WDR97: variants seen among roughly 807,000 people sequenced by gnomAD.
WDR97 encodes the protein WD repeat domain 97.
A neutral mutation model predicts 65.4 loss-of-function variants in WDR97; 111 were observed. The observed-to-expected ratio is 1.70, with a 90% CI of 1.45 to 1.99. The LOEUF is 1.99. Ranked by LOEUF, WDR97 falls within the 30% of genes most tolerant of loss-of-function variation. WDR97 has a pLI of 0.00. For missense variants in WDR97, 1,674 were observed against 865.0 expected (o/e 1.94, Z -11.73); for synonymous variants, 802 against 397.7 (o/e 2.02, Z -12.10).
Position 144,115,461 on chromosome 8 carries a change from C to A in WDR97, c.4198C>A (p.Pro1400Thr). 1.4e-6 allele frequency: 1 copy of A among 694,002 alleles called. No individual in the cohort carries two copies. The highest frequency in any genetic ancestry group is 1.5e-5 in the South Asian group (1 of 67,198). The allele number at this position is 694,002 out of a possible 1,614,324, so 43.0% of individuals were successfully genotyped here. ...GAGGCTCTCGCAGGTCTCAGAGGTG[C>A]CTTTGATGGTGGTCTCACCTGCGGA... ...FGRLSQVSEVPLMVVSPAEPH... is the reference protein window; with the variant it reads ...FGRLSQVSEVTLMVVSPAEPH... Residue 1400 changes from proline to threonine, a missense_variant, in exon 22 of 24, where the codon CCT (proline) becomes ACT (threonine). Coordinates refer to ENST00000323662, the MANE Select transcript of WDR97 (RefSeq NM_001316309.2).
At position 144,107,808 on chromosome 8, in the gene WDR97, TATG is replaced by T. The variant is rs1371790195; in HGVS notation, c.62_64del (p.Asp21del). The T allele has an allele frequency of 1.4e-6, 1 of 702,852 alleles. No homozygotes were observed. The highest frequency in any genetic ancestry group is 2.7e-5 in the East Asian group (1 of 37,284). The allele number at this position is 702,852 out of a possible 1,614,324, so 43.5% of individuals were successfully genotyped here. On this transcript the variant is annotated inframe_deletion, in exon 1 of 24. Coordinates refer to ENST00000323662, the MANE Select transcript of WDR97 (RefSeq NM_001316309.2). ...CAACCTAGTTCTGGACTCGGACCTG[TATG>T]ATGCGGATGGCTATGATGTCCCAGA...
Position 144,115,420 on chromosome 8 carries a change from C to T in WDR97, c.4157C>T (p.Ala1386Val), listed in dbSNP as rs1290282807. Reference sequence around the variant, plus strand: ...ATACCCTCGGGCACCTCCTGGTCGGCCTCCGGCATCTTCGGGAGGCTCTCG... The same window carrying T: ...ATACCCTCGGGCACCTCCTGGTCGGTCTCCGGCATCTTCGGGAGGCTCTCG... ...SVIPSGTSWS[A>V]SGIFGRLSQV... is the part of the protein sequence containing the mutation. Residue 1386 changes from alanine to valine, a missense_variant, in exon 22 of 24, where the codon GCC (alanine) becomes GTC (valine). Physicochemically the swap from Ala to Val is moderately conservative, Grantham distance 64. Coordinates refer to ENST00000323662, the MANE Select transcript of WDR97 (RefSeq NM_001316309.2). 2.9e-6 allele frequency: 2 copies of T among 678,322 alleles called. No homozygotes were observed. The highest frequency in any genetic ancestry group is 5.4e-6 in the Non-Finnish European group (2 of 369,782). The allele number at this position is 678,322 out of a possible 1,614,324, so 42.0% of individuals were successfully genotyped here. A position where few individuals can be genotyped will look rare whatever the true frequency, so the allele number is the denominator to read the frequency against.
Position 144,110,950 on chromosome 8 carries a change from G to A in WDR97, c.2258G>A (p.Cys753Tyr). Residue 753 changes from cysteine to tyrosine, a missense_variant, in exon 9 of 24, where the codon TGC (cysteine) becomes TAC (tyrosine). Coordinates refer to ENST00000323662, the MANE Select transcript of WDR97 (RefSeq NM_001316309.2). ...GTGCTGGCGCTGGGATCCCGCCTCT[G>A]CCTGGTGTCCCACAGGCTCTACCTG... ...DLVLALGSRL[C>Y]LVSHRLYLPT... The A allele has an allele frequency of 1.4e-6, 1 of 702,836 alleles. No homozygotes were observed. The highest frequency in any genetic ancestry group is 1.5e-5 in the South Asian group (1 of 67,600). The allele number at this position is 702,836 out of a possible 1,614,324, so 43.5% of individuals were successfully genotyped here. A position where few individuals can be genotyped will look rare whatever the true frequency, so the allele number is the denominator to read the frequency against.
Position 144,114,425 on chromosome 8 carries a change from C to T in WDR97, c.3742C>T (p.Gln1248Ter), listed in dbSNP as rs1564323118. The T allele has an allele frequency of 2.8e-6, 2 of 702,842 alleles. No individual in the cohort carries two copies. The highest frequency in any genetic ancestry group is 2.0e-5 in the Admixed American group (1 of 50,014). 43.5% of individuals were successfully genotyped at this position (702,842 alleles called of 1,614,324 possible). A position where few individuals can be genotyped will look rare whatever the true frequency, so the allele number is the denominator to read the frequency against. Reference protein sequence around the residue: ...NMSSDLQGQLQGLLVHLLNLD... With the variant: ...NMSSDLQGQL ...GAGCAGTGATCTCCAAGGCCAGCTG[C>T]AGGGCCTGCTCGTACACTTGCTCAA... is the stretch of plus-strand genomic sequence containing the variant. Residue 1248 changes from glutamine (Q) to a stop codon, truncating the protein, a stop_gained, in exon 19 of 24, where the codon CAG becomes TAG. Transcript: ENST00000323662. LOFTEE classifies it high-confidence loss of function.
Position 144,114,171 on chromosome 8 carries a change from G to A in WDR97, c.3594+9G>A. 1.4e-6 allele frequency: 1 copy of A among 701,840 alleles called. No homozygotes were observed. Among genetic ancestry groups the A allele is most frequent in the Non-Finnish European group, 2.6e-6 (1 of 384,200 alleles). 43.5% of individuals were successfully genotyped at this position (701,840 alleles called of 1,614,324 possible). ...CCATCTTCAGCCTGCAGGTTGGAGG[G>A]AACTGGGGATGCATGAGAAGCATGG... On this transcript the variant is annotated intron_variant, in intron 18 of 23. Coordinates refer to ENST00000323662, the MANE Select transcript of WDR97 (RefSeq NM_001316309.2).
At position 144,116,362 on chromosome 8, in the gene WDR97, G is replaced by T. The variant is rs569046759; in HGVS notation, c.*69G>T. On this transcript the variant is annotated 3_prime_UTR_variant, in exon 24 of 24. Coordinates refer to ENST00000323662, the MANE Select transcript of WDR97 (RefSeq NM_001316309.2). ...TGGTATTTGGCCAAGGCCTGCATCG[G>T]GAATAAAGTCCAGAGAATTTCTTTC... 4.9e-4 allele frequency: 279 copies of T among 567,828 alleles called. 2 individuals carry two copies. Among genetic ancestry groups the T allele is most frequent in the Admixed American group, 1.5e-3 (46 of 31,458 alleles). The allele number at this position is 567,828 out of a possible 1,614,324, so 35.2% of individuals were successfully genotyped here.
At position 144,108,498 on chromosome 8, in the gene WDR97, G is replaced by A; in HGVS notation, c.432G>A (p.Leu144=). The A allele has an allele frequency of 1.4e-6, 1 of 700,898 alleles. No homozygotes were observed. The highest frequency in any genetic ancestry group is 2.6e-6 in the Non-Finnish European group (1 of 384,302). 43.4% of individuals were successfully genotyped at this position (700,898 alleles called of 1,614,324 possible). A position where few individuals can be genotyped will look rare whatever the true frequency, so the allele number is the denominator to read the frequency against. ...HKEDGWAQET[L]LAPVRLTGLV... is the part of the protein sequence containing the mutation. The stretch of plus-strand genomic sequence containing the variant: ...AAGACGGCTGGGCACAGGAGACGCT[G>A]CTGGCGCCTGTCCGGCTTACGGGGC... The change falls in exon 3 of 24, where the codon CTG becomes CTA. Residue 144 remains leucine (L), a synonymous_variant. Coordinates refer to ENST00000323662, the MANE Select transcript of WDR97 (RefSeq NM_001316309.2).
chr8:144,109,616 G>A lies in WDR97; in HGVS notation c.1282G>A (p.Val428Met), dbSNP rs968781814. 3 of 685,582 alleles carry A rather than the reference G, an allele frequency of 4.4e-6. No homozygotes were observed. The highest frequency in any genetic ancestry group is 3.6e-5 in the African/African-American group (2 of 54,822). 42.5% of individuals were successfully genotyped at this position (685,582 alleles called of 1,614,324 possible). ...GCAACTGCCCGCCAAGGTGCTCCAC[G>A]TGCAGGTGGCGCCCGCGTTGCCCGC... ...LAQLPAKVLH[V>M]QVAPALPAPA... The change falls in exon 5 of 24, where the codon GTG becomes ATG. Residue 428 changes from valine to methionine, a missense_variant. Val to Met is a conservative substitution (Grantham distance 21). Transcript: ENST00000323662.
chr8:144,113,345 G>A, intron 15 of WDR97, 95 bp from the exon 16 acceptor site: 1 of 687,058 alleles, frequency 1.5e-6, no homozygotes, highest in Non-Finnish European at 2.6e-6. Flanking sequence ...TGGACTGGCG[G>A]CTGAGGGGCT....
Position 144,118,149 on chromosome 8 carries a change from C to T in WDR97, c.*1856C>T, listed in dbSNP as rs1467949145. 6.6e-6 allele frequency: 1 copy of T among 152,064 alleles called. No homozygotes were observed. The highest frequency in any genetic ancestry group is 1.5e-5 in the Non-Finnish European group (1 of 68,036). The allele number at this position is 152,064 out of a possible 1,614,324, so 9.4% of individuals were successfully genotyped here. A position where few individuals can be genotyped will look rare whatever the true frequency, so the allele number is the denominator to read the frequency against. On this transcript the variant is annotated 3_prime_UTR_variant, in exon 24 of 24. Coordinates refer to ENST00000323662, the MANE Select transcript of WDR97 (RefSeq NM_001316309.2). ...CCACACATCAGGCAAGAGACTTGTT[C>T]CTTAAAAATTATCTAGTTTAGCCGA...
chr8:144,111,808 G>A, intron 12 of WDR97, 27 bp downstream of exon 12: 1 of 691,100 alleles, frequency 1.4e-6, no homozygotes, highest in Non-Finnish European at 2.6e-6. Flanking sequence ...CCCCAGCCCA[G>A]CCCTGACCCT....
rs1019429424 is a variant in WDR97, at chr8:144,112,778, T to A, written c.3105+248T>A. ...CTCCTTGCTGCTCTGGGAGCTGACA[T>A]CAGGCAAAGCCAGTCCCCCCAGCCG... On this transcript the variant is annotated intron_variant, in intron 15 of 23. Coordinates refer to ENST00000323662, the MANE Select transcript of WDR97 (RefSeq NM_001316309.2). 9 of 563,028 alleles carry A rather than the reference T, an allele frequency of 1.6e-5. No homozygotes were observed. The Admixed American group carries it at 2.1e-4, about 13-fold the overall frequency. The allele number at this position is 563,028 out of a possible 1,614,324, so 34.9% of individuals were successfully genotyped here.
Position 144,115,451 on chromosome 8 carries a change from C to T in WDR97, c.4188C>T (p.Val1396=). 1 of 693,894 alleles carries T rather than the reference C, an allele frequency of 1.4e-6. No homozygotes were observed. The highest frequency in any genetic ancestry group is 1.5e-5 in the South Asian group (1 of 67,204). 43.0% of individuals were successfully genotyped at this position (693,894 alleles called of 1,614,324 possible). Residue 1396 remains valine (V), a synonymous_variant, in exon 22 of 24, where the codon GTC becomes GTT. Coordinates refer to ENST00000323662, the MANE Select transcript of WDR97 (RefSeq NM_001316309.2). Reference sequence around the variant, plus strand: ...GCATCTTCGGGAGGCTCTCGCAGGTCTCAGAGGTGCCTTTGATGGTGGTCT... The same window carrying T: ...GCATCTTCGGGAGGCTCTCGCAGGTTTCAGAGGTGCCTTTGATGGTGGTCT... ...ASGIFGRLSQ[V]SEVPLMVVSP...
rs774792233 is a variant in WDR97 at position 144,109,516 on chromosome 8, G to C, written c.1182G>C (p.Pro394=). 42 of 696,786 alleles carry C rather than the reference G, an allele frequency of 6.0e-5. No individual in the cohort carries two copies. In the East Asian group the frequency reaches 1.1e-3, roughly 18 times the overall value. The allele number at this position is 696,786 out of a possible 1,614,324, so 43.2% of individuals were successfully genotyped here. Residue 394 remains proline (P), a synonymous_variant, in exon 5 of 24, where the codon CCG becomes CCC. Coordinates refer to ENST00000323662, the MANE Select transcript of WDR97 (RefSeq NM_001316309.2). The part of the protein sequence containing the change: ...RVGRLLAPVR[P]GWPVLSLCAS... ...GCCGTCTGCTGGCGCCGGTGCGCCC[G>C]GGCTGGCCGGTGCTGTCCCTGTGCG...
rs7463214 is a variant in WDR97 at position 144,113,708 on chromosome 8, A to G, written c.3235A>G (p.Thr1079Ala). ...GTTGTGGCGCCCCAGGCCATCCCAA[A>G]CCCAGTGGCAGAGGAAGCTGCTCCA... ...LWLWRPRPSQ[T>A]QWQRKLLQWM... The change falls in exon 17 of 24, where the codon ACC becomes GCC. Residue 1079 changes from threonine (T) to alanine (A), a missense_variant. Thr to Ala is a moderately conservative substitution (Grantham distance 58). Coordinates refer to ENST00000323662, the MANE Select transcript of WDR97 (RefSeq NM_001316309.2). 677,179 of 685,064 alleles carry G rather than the reference A, an allele frequency of 0.99. 335,107 individuals carry two copies. Among genetic ancestry groups the G allele is most frequent in the East Asian group, 1 (36,975 of 36,976 alleles). 42.4% of individuals were successfully genotyped at this position (685,064 alleles called of 1,614,324 possible). A position where few individuals can be genotyped will look rare whatever the true frequency, so the allele number is the denominator to read the frequency against.
At position 144,108,903 on chromosome 8, in the gene WDR97, T is replaced by C. The variant is rs1419519977; in HGVS notation, c.837T>C (p.His279=). 2.8e-6 allele frequency: 2 copies of C among 702,934 alleles called. No individual in the cohort carries two copies. The highest frequency in any genetic ancestry group is 3.0e-5 in the South Asian group (2 of 67,604). The allele number at this position is 702,934 out of a possible 1,614,324, so 43.5% of individuals were successfully genotyped here. Residue 279 remains histidine (H), a synonymous_variant, in exon 3 of 24, where the codon CAT becomes CAC. Coordinates refer to ENST00000323662, the MANE Select transcript of WDR97 (RefSeq NM_001316309.2). ...CGGCCGTGCTCACCTTCGATCTGCA[T>C]GCCTGGACTCTCGTAGATGTGCGCC... ...YGSAVLTFDL[H]AWTLVDVRRD...
In WDR97 at chr8:144,109,600, C is replaced by A. The variant is rs956720455; in HGVS notation, c.1266C>A (p.Pro422=). The A allele has an allele frequency of 5.8e-6, 4 of 689,268 alleles. No individual in the cohort carries two copies. The highest frequency in any genetic ancestry group is 5.5e-5 in the East Asian group (2 of 36,164). 42.7% of individuals were successfully genotyped at this position (689,268 alleles called of 1,614,324 possible). ...RELYSPLAQL[P]AKVLHVQVAP... ...TCTACTCGCCGTTGGCGCAACTGCCCGCCAAGGTGCTCCACGTGCAGGTGG... is the reference window on the plus strand; with the variant it reads ...TCTACTCGCCGTTGGCGCAACTGCCAGCCAAGGTGCTCCACGTGCAGGTGG... Residue 422 remains proline (P), a synonymous_variant, in exon 5 of 24, where the codon CCC becomes CCA. Transcript: ENST00000323662.
chr8:144,109,485 G>T lies in WDR97; in HGVS notation c.1151G>T (p.Arg384Leu), dbSNP rs769171014. 2 of 697,318 alleles carry T rather than the reference G, an allele frequency of 2.9e-6. No individual in the cohort carries two copies. The highest frequency in any genetic ancestry group is 5.2e-6 in the Non-Finnish European group (2 of 382,534). The allele number at this position is 697,318 out of a possible 1,614,324, so 43.2% of individuals were successfully genotyped here. The change falls in exon 5 of 24, where the codon CGC (arginine) becomes CTC (leucine). Residue 384 changes from arginine to leucine, a missense_variant. Arg to Leu is a moderately radical substitution (Grantham distance 102, BLOSUM62 -2). Transcript: ENST00000323662. ...TGGGGCCAGGACAAGCTGTCCCGGC[G>T]CGTGGGCCGTCTGCTGGCGCCGGTG... ...GFWGQDKLSR[R>L]VGRLLAPVRP...
Position 144,111,706 on chromosome 8 carries a change from GC to G in WDR97, c.2567del (p.Pro856HisfsTer17). 1 of 698,538 alleles carries G rather than the reference GC, an allele frequency of 1.4e-6. No homozygotes were observed. Among genetic ancestry groups the G allele is most frequent in the Non-Finnish European group, 2.6e-6 (1 of 382,232 alleles). The allele number at this position is 698,538 out of a possible 1,614,324, so 43.3% of individuals were successfully genotyped here. On this transcript the variant is annotated frameshift_variant, in exon 12 of 24. Transcript: ENST00000323662. LOFTEE classifies it high-confidence loss of function. ...RLGLVVPAAQ[P>X]PPSWQQRQEG... The stretch of plus-strand genomic sequence containing the variant: ...TGGGGCTAGTGGTCCCAGCAGCCCA[GC>G]CCCCACCCTCCTGGCAGCAGCGCCA...
Sources: gnomAD v4.1 joint callset for allele counts on GRCh38, gnomAD v4.1.1 for gene constraint, MANE v1.5 for transcripts, NCBI Gene and HGNC (gene_info 2026-07-23, HGNC 2026-07-21) for gene names.